The following ZC2HC1C variants were observed in gnomAD, a reference collection of about 807,000 sequenced individuals.
ZC2HC1C encodes the protein zinc finger C2HC-type containing 1C, also known as zinc finger C2HC domain-containing protein 1C.
Under a neutral mutation model 39.2 loss-of-function variants are expected in ZC2HC1C, and 25 were observed. That is an observed-to-expected ratio of 0.64 (90% CI 0.47 to 0.89). The LOEUF (loss-of-function observed/expected upper bound fraction) is 0.89. Among genes scored for constraint, ZC2HC1C ranks in the 40% least tolerant of loss-of-function variants. The pLI is 0.00. For synonymous variants in ZC2HC1C, 209 were observed against 214.4 expected (o/e 0.97, Z 0.22); for missense variants, 519 against 548.6 (o/e 0.95, Z 0.54).
rs140925872 is a variant in ZC2HC1C at position 75,078,246 on chromosome 14, A to G, written c.*682A>G. On this transcript the variant is annotated 3_prime_UTR_variant, in exon 3 of 3. Coordinates refer to ENST00000524913, the MANE Select transcript of ZC2HC1C (RefSeq NM_024643.4). ...AGAGGGGCATGATCACCCAGATAGT[A>G]ACTCTTATAAAAGATAATACAATTT... 1 of 152,396 alleles carries G rather than the reference A, an allele frequency of 6.6e-6. No homozygotes were observed. Among genetic ancestry groups the G allele is most frequent in the African/African-American group, 2.4e-5 (1 of 41,578 alleles). 9.4% of individuals were successfully genotyped at this position (152,396 alleles called of 1,614,324 possible). A position where few individuals can be genotyped will look rare whatever the true frequency, so the allele number is the denominator to read the frequency against.
intron 1 of ZC2HC1C, 123 bp from the exon 2 acceptor site, chr14:75,070,432 A>G: frequency 1.7e-6 from 2 of 1,176,628 alleles, no homozygotes; most frequent in African/African-American, 1.5e-5. Context: ...AGGTCCAGCA[A>G]CACTGTCCCC....
Position 75,077,538 on chromosome 14 carries a change from C to T in ZC2HC1C, c.1345C>T (p.Pro449Ser). 1 of 1,614,168 alleles carries T rather than the reference C, an allele frequency of 6.2e-7. No individual in the cohort carries two copies. The highest frequency in any genetic ancestry group is 8.5e-7 in the Non-Finnish European group (1 of 1,180,038). The change falls in exon 3 of 3, where the codon CCT (proline) becomes TCT (serine). Residue 449 changes from proline (P) to serine (S), a missense_variant. By Grantham distance (74) the Pro-to-Ser change is moderately conservative (BLOSUM62 -1). Transcript: ENST00000524913. ...TCTCCCTTTTACATTACAGGCTGAA[C>T]CTCCTCAGAAGAGCAACTGGAGATA... Reference protein sequence around the residue: ...WKGPASAKAEPPQKSNWR With the variant: ...WKGPASAKAESPQKSNWR
chr14:75,079,547 G>A lies in ZC2HC1C; in HGVS notation c.*1983G>A, dbSNP rs175489. The A allele has an allele frequency of 0.99, 150,710 of 152,378 alleles. 74,542 individuals carry two copies. Among genetic ancestry groups the A allele is most frequent in the East Asian group, 1 (5,196 of 5,196 alleles). The allele number at this position is 152,378 out of a possible 1,614,324, so 9.4% of individuals were successfully genotyped here. ...CAGTACATTGCAATAGATGGCAAGA[G>A]TAAGCTGTGGCCAAGGTCACAAAAT... On this transcript the variant is annotated 3_prime_UTR_variant, in exon 3 of 3. Transcript: ENST00000524913.
Position 75,070,739 on chromosome 14 carries a change from C to G in ZC2HC1C, c.166C>G (p.Gln56Glu). 6.2e-7 allele frequency: 1 copy of G among 1,614,234 alleles called. No homozygotes were observed. Among genetic ancestry groups the G allele is most frequent in the Non-Finnish European group, 8.5e-7 (1 of 1,180,034 alleles). The change falls in exon 2 of 3, where the codon CAG (glutamine) becomes GAG (glutamate). Residue 56 changes from glutamine (Q) to glutamate (E), a missense_variant. Gln to Glu is a conservative substitution (Grantham distance 29). Coordinates refer to ENST00000524913, the MANE Select transcript of ZC2HC1C (RefSeq NM_024643.4). ...KGHLRNNFQKQLLSNKELILD... is the reference protein window; with the variant it reads ...KGHLRNNFQKELLSNKELILD... ...GCACCTGAGGAACAATTTCCAGAAG[C>G]AGCTTTTGAGCAACAAAGAGTTGAT...
Position 75,070,715 on chromosome 14 carries a change from C to A in ZC2HC1C, c.142C>A (p.His48Asn), listed in dbSNP as rs375361819. 4.3e-6 allele frequency: 7 copies of A among 1,614,186 alleles called. No homozygotes were observed. The highest frequency in any genetic ancestry group is 1.1e-5 in the South Asian group (1 of 91,082). Residue 48 changes from histidine (H) to asparagine (N), a missense_variant, in exon 2 of 3, where the codon CAC (histidine) becomes AAC (asparagine). His to Asn is a moderately conservative substitution (Grantham distance 68). Coordinates refer to ENST00000524913, the MANE Select transcript of ZC2HC1C (RefSeq NM_024643.4). ...CTCTTCCCAGCAGTCCTTGAAGGGG[C>A]ACCTGAGGAACAATTTCCAGAAGCA... ...GDSSQQSLKG[H>N]LRNNFQKQLL... is the part of the protein sequence containing the mutation.
At chr14:75,076,254 C>T (rs1893661506) in intron 2 of ZC2HC1C, among the ~76,000 whole-genome samples, 1 of 151,892 alleles carries the variant, frequency 6.6e-6, no homozygotes, top group Admixed American at 6.6e-5. Flanking sequence ...CATTAGTTTA[C>T]AACATTTCTA....
intron 2 of ZC2HC1C, among the ~76,000 whole-genome samples, 159 bp downstream of exon 2, chr14:75,072,070 C>A (rs189987803): frequency 6.6e-6 from 1 of 152,180 alleles, no homozygotes; most frequent in Non-Finnish European, 1.5e-5. Context: ...AGCATTGTGA[C>A]GGGAGCTTTT....
chr14:75,070,385 A>G (rs960974208), intron 1 of ZC2HC1C, among the ~76,000 whole-genome samples, 170 bp from the exon 2 acceptor site: 1 of 152,156 alleles, frequency 6.6e-6, no homozygotes, highest in Non-Finnish European at 1.5e-5. Context: ...CTTGTGCATA[A>G]TCACTCACCA....
In ZC2HC1C at chr14:75,077,286, C is replaced by T. The variant is rs185508661; in HGVS notation, c.1339-246C>T. On this transcript the variant is annotated intron_variant, in intron 2 of 2. Transcript: ENST00000524913. ...CCTGTACCTCCTTACTTTCCACTAT[C>T]GGGTACTTCCAAGCACTGAACCTCT... 1.1e-4 allele frequency among the ~76,000 whole-genome samples: 17 copies of T among 152,238 alleles called. No homozygotes were observed. In the East Asian group the frequency reaches 1.2e-3, roughly 10 times the overall value.
chr14:75,071,923 C>T lies in ZC2HC1C; in HGVS notation c.1338+12C>T, dbSNP rs1347652914. The T allele has an allele frequency of 1.9e-6, 3 of 1,567,100 alleles. No individual in the cohort carries two copies. Among genetic ancestry groups the T allele is most frequent in the East Asian group, 2.2e-5 (1 of 44,590 alleles). On this transcript the variant is annotated intron_variant, in intron 2 of 2. Coordinates refer to ENST00000524913, the MANE Select transcript of ZC2HC1C (RefSeq NM_024643.4). ...CAGCTTCAGCCAAGGTAACAAGAGC[C>T]TTATGGATGTGACTTGGTGTGGTGA...
In ZC2HC1C at chr14:75,079,988, C is replaced by G. The variant is rs989472143; in HGVS notation, c.*2424C>G. ...AAAGAAATAAAACAATAGTCAATGC[C>G]TTAAGTGTTCCCTTTAATCTCTACA... On this transcript the variant is annotated 3_prime_UTR_variant, in exon 3 of 3. Transcript: ENST00000524913. 6.6e-6 allele frequency: 1 copy of G among 152,206 alleles called. No individual in the cohort carries two copies. Among genetic ancestry groups the G allele is most frequent in the Non-Finnish European group, 1.5e-5 (1 of 68,042 alleles). The allele number at this position is 152,206 out of a possible 1,614,324, so 9.4% of individuals were successfully genotyped here.
In ZC2HC1C at chr14:75,078,962, A is replaced by G. The variant is rs1325318957; in HGVS notation, c.*1398A>G. The G allele has an allele frequency of 1.3e-5, 2 of 152,210 alleles. No homozygotes were observed. Among genetic ancestry groups the G allele is most frequent in the African/African-American group, 4.8e-5 (2 of 41,458 alleles). 9.4% of individuals were successfully genotyped at this position (152,210 alleles called of 1,614,324 possible). A position where few individuals can be genotyped will look rare whatever the true frequency, so the allele number is the denominator to read the frequency against. ...CTACACTAGTGAAATCAGAGAACTG[A>G]TAAGTTAATGTCTGCGAGAGTATTA... is the stretch of plus-strand genomic sequence containing the variant. On this transcript the variant is annotated 3_prime_UTR_variant, in exon 3 of 3. Transcript: ENST00000524913.
Position 75,071,337 on chromosome 14 carries a change from C to G in ZC2HC1C, c.764C>G (p.Ala255Gly). 2 of 1,613,900 alleles carry G rather than the reference C, an allele frequency of 1.2e-6. No individual in the cohort carries two copies. Among genetic ancestry groups the G allele is most frequent in the Non-Finnish European group, 1.7e-6 (2 of 1,179,982 alleles). The change falls in exon 2 of 3, where the codon GCC becomes GGC. Residue 255 changes from alanine (A) to glycine (G), a missense_variant. Transcript: ENST00000524913. ...LRRIQTQKEQ[A>G]KENENGELQK... Reference sequence around the variant, plus strand: ...AGGATCCAGACGCAAAAGGAACAGGCCAAGGAAAATGAAAACGGAGAGCTA... The same window carrying G: ...AGGATCCAGACGCAAAAGGAACAGGGCAAGGAAAATGAAAACGGAGAGCTA...
At chr14:75,072,372 A>C (rs1051973765) in intron 2 of ZC2HC1C, among the ~76,000 whole-genome samples, 1 of 152,258 alleles carries the variant, frequency 6.6e-6, no homozygotes, top group African/African-American at 2.4e-5. Context: ...CCACTTCCCA[A>C]GACTAGGATC....
chr14:75,074,430 A>G (rs944538515), intron 2 of ZC2HC1C, among the ~76,000 whole-genome samples: 1 of 152,176 alleles, frequency 6.6e-6, no homozygotes, highest in Non-Finnish European at 1.5e-5. Flanking sequence ...GTAGTACTGA[A>G]TGACCTATAA....
rs1242595123 is a variant in ZC2HC1C at position 75,070,756 on chromosome 14, A to AC, written c.183_184insC (p.Glu62ArgfsTer6). On this transcript the variant is annotated frameshift_variant, in exon 2 of 3. Transcript: ENST00000524913. LOFTEE classifies it high-confidence loss of function. The stretch of plus-strand genomic sequence containing the variant: ...TCCAGAAGCAGCTTTTGAGCAACAA[A>AC]GAGTTGATTCTGGATAAAGTCTATA... The AC allele has an allele frequency of 6.2e-7, 1 of 1,614,112 alleles. No individual in the cohort carries two copies. The highest frequency in any genetic ancestry group is 8.5e-7 in the Non-Finnish European group (1 of 1,180,040).
In ZC2HC1C at chr14:75,071,653, T is replaced by C; in HGVS notation, c.1080T>C (p.Ala360=). 1.2e-6 allele frequency: 2 copies of C among 1,614,172 alleles called. No homozygotes were observed. The highest frequency in any genetic ancestry group is 1.7e-6 in the Non-Finnish European group (2 of 1,180,036). The change falls in exon 2 of 3, where the codon GCT becomes GCC. Residue 360 remains alanine (A), a synonymous_variant. Coordinates refer to ENST00000524913, the MANE Select transcript of ZC2HC1C (RefSeq NM_024643.4). The part of the protein sequence containing the change: ...FSPPSETPVG[A]LQGSARNSSL... ...CGCCTTCAGAAACACCAGTCGGTGC[T>C]TTGCAGGGATCCGCCAGAAATTCCA...
chr14:75,076,410 A>G (rs1893671160), intron 2 of ZC2HC1C, among the ~76,000 whole-genome samples: 2 of 152,090 alleles, frequency 1.3e-5, no homozygotes, highest in Non-Finnish European at 2.9e-5. Context: ...CTGGGACTAC[A>G]GGCGTGTGCC....
intron 2 of ZC2HC1C, among the ~76,000 whole-genome samples, chr14:75,075,913 C>T (rs960217222): frequency 4.6e-5 from 7 of 152,046 alleles, no homozygotes; most frequent in Admixed American, 6.5e-5. Context: ...AAAAATTAGC[C>T]GGGCGTGGTG....
Sources: gnomAD v4.1 joint callset for allele counts (sites outside exome capture counted in the v4.1 genomes callset) on GRCh38, gnomAD v4.1.1 for gene constraint, MANE v1.5 for transcripts, NCBI Gene and HGNC (gene_info 2026-07-23, HGNC 2026-07-21) for gene names.